The following PACRGL variants were observed in gnomAD, a reference collection of about 807,000 sequenced individuals.
The protein encoded by PACRGL is parkin coregulated like.
In PACRGL, 38 loss-of-function variants were observed where a neutral mutation model predicts 34.5. The ratio of observed to expected loss-of-function variants is 1.10; its 90% CI spans 0.85 to 1.44. The LOEUF (loss-of-function observed/expected upper bound fraction) is 1.44, where lower values mean the gene tolerates loss of function less well. Among genes scored for constraint, PACRGL ranks in the 40% most tolerant of loss-of-function variants. PACRGL has a pLI of 0.00. For missense variants in PACRGL, 305 were observed against 281.4 expected (o/e 1.08, Z -0.60); for synonymous variants, 128 against 100.1 (o/e 1.28, Z -1.66).
At chr4:20,740,434 T>TA (rs994368867) in intron 8 of PACRGL, among the ~76,000 whole-genome samples, 4 of 150,876 alleles carry the variant, frequency 2.7e-5, no homozygotes, top group African/African-American at 4.8e-5. Context: ...TCAACACTCT[T>TA]ACAGAATTTT....
intron 5 of PACRGL, among the ~76,000 whole-genome samples, chr4:20,711,670 T>A (rs1435227639): frequency 6.6e-6 from 1 of 152,030 alleles, no homozygotes; most frequent in African/African-American, 2.4e-5. Context: ...ACTAAAGGAG[T>A]TTACTGTTGA....
intron 1 of PACRGL, chr4:20,702,294 C>A: frequency 2.3e-6 from 1 of 443,530 alleles, no homozygotes; most frequent in South Asian, 1.6e-5. Flanking sequence ...TGTGGGTACG[C>A]GTCTTTGCTG....
the PACRGL span, among the ~76,000 whole-genome samples, chr4:20,764,198 TAAAG>T: frequency 3.3e-5 from 5 of 152,088 alleles, no homozygotes; most frequent in South Asian, 8.3e-4. Context: ...AGAAAAAAAT[TAAAG>T]AAAATGAAAA....
chr4:20,760,676 G>A, the PACRGL span, among the ~76,000 whole-genome samples: 2 of 152,152 alleles, frequency 1.3e-5, no homozygotes, highest in African/African-American at 4.8e-5. Flanking sequence ...GAGGTGCTGA[G>A]TGGCAAAGCA....
At chr4:20,738,802 C>G (rs971341960) in intron 8 of PACRGL, among the ~76,000 whole-genome samples, 1 of 152,096 alleles carries the variant, frequency 6.6e-6, no homozygotes, top group South Asian at 2.1e-4. Flanking sequence ...TCGCCTCACC[C>G]AGGAAGCGCA....
intron 7 of PACRGL, among the ~76,000 whole-genome samples, chr4:20,720,427 A>G (rs1232649585): frequency 2.0e-5 from 3 of 152,062 alleles, no homozygotes; most frequent in Non-Finnish European, 2.9e-5. Context: ...CCTAGCCTCG[A>G]TGGTCTTTAC....
At chr4:20,708,178 T>G (rs1442839573) in intron 4 of PACRGL, among the ~76,000 whole-genome samples, 2 of 152,172 alleles carry the variant, frequency 1.3e-5, no homozygotes, top group African/African-American at 4.8e-5. Context: ...AATTAAAAAA[T>G]CCTATCTTGT....
upstream of PACRGL, chr4:20,696,454 G>A (rs1731248938): frequency 6.6e-6 from 1 of 152,160 alleles, no homozygotes; most frequent in South Asian, 2.1e-4. Context: ...GACAACAGAG[G>A]ACCAGATGCC....
At chr4:20,758,688 A>G in the PACRGL span, 1 of 686,960 alleles carries the variant, frequency 1.5e-6, no homozygotes, top group South Asian at 2.0e-5. Flanking sequence ...AATTATATAC[A>G]CTTGCATGCT....
At chr4:20,705,240 C>T (rs565071229) in intron 3 of PACRGL, among the ~76,000 whole-genome samples, 25 of 152,238 alleles carry the variant, frequency 1.6e-4, no homozygotes, top group African/African-American at 5.8e-4. Context: ...ACCTCCTTTG[C>T]CCTCTCCTAA....
chr4:20,720,048 C>T (rs1578274280), intron 7 of PACRGL, among the ~76,000 whole-genome samples: 1 of 152,088 alleles, frequency 6.6e-6, no homozygotes. Context: ...GGATAGTTAG[C>T]CCTTCTTGTT....
Position 20,728,808 on chromosome 4 carries a change from CAGTTGCAA to C in PACRGL, c.*1469_*1476del, listed in dbSNP as rs1346613993. The C allele has an allele frequency of 6.6e-6, 1 of 152,486 alleles. No individual in the cohort carries two copies. Among genetic ancestry groups the C allele is most frequent in the Non-Finnish European group, 1.5e-5 (1 of 67,982 alleles). The allele number at this position is 152,486 out of a possible 1,614,324, so 9.4% of individuals were successfully genotyped here. A position where few individuals can be genotyped will look rare whatever the true frequency, so the allele number is the denominator to read the frequency against. On this transcript the variant is annotated 3_prime_UTR_variant, in exon 9 of 9. Coordinates refer to ENST00000503585, the MANE Select transcript of PACRGL (RefSeq NM_001258345.3). The stretch of plus-strand genomic sequence containing the variant: ...GATACCTGATTTATTGTTGCAAAGA[CAGTTGCAA>C]ATTTCCTCCTTCTGTAGCCTCTTGG...
At chr4:20,723,780 T>C (rs61013057) in intron 7 of PACRGL, among the ~76,000 whole-genome samples, 3,220 of 152,038 alleles carry the variant, frequency 0.021, 105 homozygotes, top group African/African-American at 0.072. Context: ...CTGCCAGCAC[T>C]TTGGGAAGAC....
In PACRGL at chr4:20,707,885, A is replaced by T. The variant is rs769161605; in HGVS notation, c.275+15A>T. On this transcript the variant is annotated intron_variant, in intron 4 of 8. Coordinates refer to ENST00000503585, the MANE Select transcript of PACRGL (RefSeq NM_001258345.3). ...ATTCCTTGCAGGTAAAATCAATATG[A>T]TTTATAACTGACCAAATTATTCAAA... 1 of 1,582,270 alleles carries T rather than the reference A, an allele frequency of 6.3e-7. No homozygotes were observed. The highest frequency in any genetic ancestry group is 8.7e-7 in the Non-Finnish European group (1 of 1,153,332).
chr4:20,736,790 A>G (rs933487882), downstream of PACRGL, among the ~76,000 whole-genome samples: 1 of 152,238 alleles, frequency 6.6e-6, no homozygotes, highest in Non-Finnish European at 1.5e-5. Context: ...CAAAAATGAA[A>G]AAGACAAAAA....
chr4:20,724,407 G>T (rs1190795251), intron 7 of PACRGL, among the ~76,000 whole-genome samples: 1 of 152,096 alleles, frequency 6.6e-6, no homozygotes, highest in Non-Finnish European at 1.5e-5. Flanking sequence ...CATCCCCAGG[G>T]CATTCACTCT....
At chr4:20,747,611 A>C (rs1752646809) in intron 8 of PACRGL, among the ~76,000 whole-genome samples, 1 of 151,864 alleles carries the variant, frequency 6.6e-6, no homozygotes, top group African/African-American at 2.4e-5. Flanking sequence ...CCCCATCTTG[A>C]CTTAGTTCAT....
intron 5 of PACRGL, 181 bp from the exon 6 acceptor site, chr4:20,712,607 G>T: frequency 1.9e-6 from 1 of 528,200 alleles, no homozygotes; most frequent in Non-Finnish European, 3.0e-6. Flanking sequence ...GGGATACCAA[G>T]GGACCCTTTG....
intron 7 of PACRGL, among the ~76,000 whole-genome samples, chr4:20,717,290 T>C (rs1451931909): frequency 6.6e-6 from 1 of 152,236 alleles, no homozygotes; most frequent in Non-Finnish European, 1.5e-5. Context: ...GGTTGCCTGT[T>C]CACTCTGATG....
Sources: allele counts gnomAD v4.1 joint callset (sites outside exome capture counted in the v4.1 genomes callset), GRCh38; gene constraint gnomAD v4.1.1; transcripts MANE v1.5; gene names NCBI Gene and HGNC (gene_info 2026-07-23, HGNC 2026-07-21).